Variants in IFITM10 observed in about 807,000 individuals in gnomAD.
IFITM10 encodes the protein interferon induced transmembrane protein 10, also known as interferon-induced transmembrane protein 10.
A neutral mutation model predicts 19.0 loss-of-function variants in IFITM10; 17 were observed. The ratio of observed to expected loss-of-function variants is 0.90; its 90% CI spans 0.61 to 1.34. The LOEUF (loss-of-function observed/expected upper bound fraction) is 1.34, where lower values mean the gene tolerates loss of function less well. IFITM10 is among the 40% of genes most tolerant of loss of function. The pLI is 0.00. For synonymous variants in IFITM10, 148 were observed against 147.2 expected (o/e 1.01, Z -0.04); for missense variants, 306 against 319.8 (o/e 0.96, Z 0.33).
intron 2 of IFITM10, among the ~76,000 whole-genome samples, chr11:1,740,100 G>C (rs1303949736): frequency 6.6e-6 from 1 of 152,052 alleles, no homozygotes; most frequent in African/African-American, 2.4e-5. Context: ...AGAAGTTTGA[G>C]ATCAGCCTGA....
At chr11:1,747,567 C>T in intron 2 of IFITM10, 100 bp downstream of exon 2, 1 of 1,048,740 alleles carries the variant, frequency 9.5e-7, no homozygotes, top group Non-Finnish European at 1.4e-6. Flanking sequence ...CCCGTGTGCT[C>T]CCCTGAGAGG....
Position 1,732,490 on chromosome 11 carries a change from G to A in IFITM10, c.*2790C>T, listed in dbSNP as rs1851038240. On this transcript the variant is annotated 3_prime_UTR_variant, in exon 3 of 3. Coordinates refer to ENST00000340134, the MANE Select transcript of IFITM10 (RefSeq NM_001170820.4). Reference sequence around the variant, plus strand: ...AAATCACATAAAAATGAGGTGGGAGGAGTGCAGTGGACAGGGAGCGCCAGC... The same window carrying A: ...AAATCACATAAAAATGAGGTGGGAGAAGTGCAGTGGACAGGGAGCGCCAGC... 6.6e-6 allele frequency: 1 copy of A among 152,422 alleles called. No homozygotes were observed. The highest frequency in any genetic ancestry group is 1.5e-5 in the Non-Finnish European group (1 of 68,122). 9.4% of individuals were successfully genotyped at this position (152,422 alleles called of 1,614,324 possible). A position where few individuals can be genotyped will look rare whatever the true frequency, so the allele number is the denominator to read the frequency against.
At chr11:1,739,586 T>A (rs1349941789) in intron 2 of IFITM10, among the ~76,000 whole-genome samples, 1 of 151,944 alleles carries the variant, frequency 6.6e-6, no homozygotes, top group South Asian at 2.1e-4. Flanking sequence ...AAAAGAAACC[T>A]GAAGAGGCTC....
chr11:1,739,818 C>T (rs1026124251), intron 2 of IFITM10, among the ~76,000 whole-genome samples: 2 of 152,120 alleles, frequency 1.3e-5, no homozygotes, highest in African/African-American at 4.8e-5. Flanking sequence ...GTGCAGGGCC[C>T]GGTGCTTCTG....
At chr11:1,748,341 T>A (rs923092199) in intron 1 of IFITM10, 62 of 412,250 alleles carry the variant, frequency 1.5e-4, no homozygotes, top group Non-Finnish European at 2.2e-4. Context: ...GGGGCTTTCA[T>A]CACTTCGCCA....
At chr11:1,747,162 G>A (rs1194453881) in intron 2 of IFITM10, among the ~76,000 whole-genome samples, 1 of 152,140 alleles carries the variant, frequency 6.6e-6, no homozygotes, top group Non-Finnish European at 1.5e-5. Context: ...TCCACGCAGG[G>A]CTTGGCAGAG....
At chr11:1,743,209 G>A (rs1380013852) in intron 2 of IFITM10, among the ~76,000 whole-genome samples, 1 of 151,546 alleles carries the variant, frequency 6.6e-6, no homozygotes. Context: ...ATGGATGGAT[G>A]GACAGATGAA....
chr11:1,748,429 CTG>C (rs1236462985), intron 1 of IFITM10: 2 of 355,428 alleles, frequency 5.6e-6, no homozygotes, highest in Admixed American at 4.7e-5. Context: ...GAGACTGACA[CTG>C]TTGCAAAACA....
intron 2 of IFITM10, chr11:1,745,180 C>T (rs1051999217): frequency 2.6e-5 from 4 of 152,822 alleles, no homozygotes; most frequent in Non-Finnish European, 5.8e-5. Flanking sequence ...CCGGCACCAT[C>T]CAGAAATCCC....
At chr11:1,743,304 G>C (rs533946765) in intron 2 of IFITM10, among the ~76,000 whole-genome samples, 1 of 151,024 alleles carries the variant, frequency 6.6e-6, no homozygotes, top group Admixed American at 6.6e-5. Flanking sequence ...TGGATGGATG[G>C]ACAGATGAAG....
intron 1 of IFITM10, chr11:1,749,038 G>C (rs1349616946): frequency 9.1e-7 from 1 of 1,100,194 alleles, no homozygotes; most frequent in Admixed American, 4.4e-5. Flanking sequence ...CTCGGCGCGC[G>C]GCCGGACCCC....
intron 2 of IFITM10, among the ~76,000 whole-genome samples, chr11:1,739,239 G>A (rs954633023): frequency 1.7e-4 from 26 of 152,108 alleles, no homozygotes; most frequent in African/African-American, 6.3e-4. Context: ...ATGCTGGATG[G>A]CTGGGACAGA....
Position 1,748,027 on chromosome 11 carries a change from G to A in IFITM10, c.177C>T (p.Ala59=), listed in dbSNP as rs1358425048. 1.4e-6 allele frequency: 2 copies of A among 1,434,332 alleles called. No individual in the cohort carries two copies. Among genetic ancestry groups the A allele is most frequent in the Non-Finnish European group, 1.8e-6 (2 of 1,098,160 alleles). 88.9% of individuals were successfully genotyped at this position (1,434,332 alleles called of 1,614,324 possible). Residue 59 remains alanine (A), a synonymous_variant, in exon 2 of 3, where the codon GCC becomes GCT. Transcript: ENST00000340134. ...AQEARVPLDG[A]FWIPRPPAGS... is the part of the protein sequence containing the mutation. The stretch of plus-strand genomic sequence containing the variant: ...CTGCCGGGGGCCTCGGAATCCAGAA[G>A]GCCCCGTCCAGGGGGACTCGGGCTT...
chr11:1,747,843 C>T lies in IFITM10; in HGVS notation c.361G>A (p.Ala121Thr). Residue 121 changes from alanine (A) to threonine (T), a missense_variant, in exon 2 of 3, where the codon GCG (alanine) becomes ACG (threonine). Physicochemically the swap from Ala to Thr is moderately conservative, Grantham distance 58. Coordinates refer to ENST00000340134, the MANE Select transcript of IFITM10 (RefSeq NM_001170820.4). ...SKTDSVRAAG[A>T]PPACKHLAEK... Reference sequence around the variant, plus strand: ...GCTAGGTGCTTGCAGGCAGGGGGCGCGCCGGCAGCCCGCACGCTGTCGGTC... The same window carrying T: ...GCTAGGTGCTTGCAGGCAGGGGGCGTGCCGGCAGCCCGCACGCTGTCGGTC... The T allele has an allele frequency of 1.9e-6, 3 of 1,545,082 alleles. No homozygotes were observed. The highest frequency in any genetic ancestry group is 2.4e-5 in the East Asian group (1 of 40,876).
At chr11:1,739,187 G>A (rs191648310) in intron 2 of IFITM10, among the ~76,000 whole-genome samples, 15 of 152,054 alleles carry the variant, frequency 9.9e-5, no homozygotes, top group East Asian at 9.7e-4. Context: ...CTGAATGCAC[G>A]CTGGATGGCT....
chr11:1,735,049 A>G lies in IFITM10; in HGVS notation c.*231T>C, dbSNP rs1851070471. The G allele has an allele frequency of 9.2e-6, 5 of 544,330 alleles. No homozygotes were observed. In the Admixed American group the frequency reaches 1.3e-4, roughly 14 times the overall value. The allele number at this position is 544,330 out of a possible 1,614,324, so 33.7% of individuals were successfully genotyped here. On this transcript the variant is annotated 3_prime_UTR_variant, in exon 3 of 3. Coordinates refer to ENST00000340134, the MANE Select transcript of IFITM10 (RefSeq NM_001170820.4). Reference sequence around the variant, plus strand: ...GAGGGGAGAAGCCCCCAGGCCCCAGACACAGGCAGGGTGGAGGCCAGGAGG... The same window carrying G: ...GAGGGGAGAAGCCCCCAGGCCCCAGGCACAGGCAGGGTGGAGGCCAGGAGG...
chr11:1,750,376 C>G lies in IFITM10; in HGVS notation c.67G>C (p.Ala23Pro), dbSNP rs776706648. Residue 23 changes from alanine (A) to proline (P), a missense_variant, in exon 1 of 3, where the codon GCT (alanine) becomes CCT (proline). By Grantham distance (27) the Ala-to-Pro change is conservative (BLOSUM62 -1). Coordinates refer to ENST00000340134, the MANE Select transcript of IFITM10 (RefSeq NM_001170820.4). ...TCACCAACCTCCAGCTCCCACTGAG[C>G]CTCGACCCTCTCCAAAGTCCCCCGG... ...SFRGTLERVE[A>P]QWELEAQGPG... 6.4e-7 allele frequency: 1 copy of G among 1,550,492 alleles called. No homozygotes were observed. Among genetic ancestry groups the G allele is most frequent in the Non-Finnish European group, 8.7e-7 (1 of 1,146,978 alleles).
chr11:1,738,415 A>T (rs554566276), intron 2 of IFITM10, among the ~76,000 whole-genome samples: 24 of 152,340 alleles, frequency 1.6e-4, no homozygotes, highest in African/African-American at 5.3e-4. Context: ...TCGAACCGTC[A>T]TAAGATGGGG....
At chr11:1,746,856 C>T (rs992554252) in intron 2 of IFITM10, 3 of 398,334 alleles carry the variant, frequency 7.5e-6, no homozygotes, top group African/African-American at 6.2e-5. Context: ...TCCGGTGCGT[C>T]GGGGTGGGGA....
Sources: allele counts gnomAD v4.1 joint callset (sites outside exome capture counted in the v4.1 genomes callset), GRCh38; gene constraint gnomAD v4.1.1; transcripts MANE v1.5; gene names NCBI Gene and HGNC (gene_info 2026-07-23, HGNC 2026-07-21).